Variants in PTPRK observed in about 807,000 individuals in gnomAD.
The protein encoded by PTPRK is protein tyrosine phosphatase receptor type K, also known as receptor-type tyrosine-protein phosphatase kappa.
In PTPRK, 75 loss-of-function variants were observed where a neutral mutation model predicts 178.0. The observed-to-expected ratio is 0.42, with a 90% CI of 0.35 to 0.51. PTPRK has a LOEUF of 0.51. Among genes scored for constraint, PTPRK ranks in the 20% least tolerant of loss-of-function variants. The pLI is 0.02. For synonymous variants in PTPRK, 637 were observed against 620.6 expected (o/e 1.03, Z -0.39); for missense variants, 1,441 against 1,797.8 (o/e 0.80, Z 3.59).
intron 3 of PTPRK, among the ~76,000 whole-genome samples, chr6:128,301,178 T>G (rs978890434): frequency 6.6e-6 from 1 of 152,186 alleles, no homozygotes; most frequent in Non-Finnish European, 1.5e-5. Flanking sequence ...GATATCACTA[T>G]TTCTATTTTT....
At chr6:128,221,742 TACCA>T (rs1365410278) in intron 5 of PTPRK, among the ~76,000 whole-genome samples, 19 of 152,062 alleles carry the variant, frequency 1.2e-4, no homozygotes, top group Non-Finnish European at 2.9e-5. Flanking sequence ...TTTCTCTGCT[TACCA>T]ACCTATTTCA....
intron 1 of PTPRK, among the ~76,000 whole-genome samples, chr6:128,459,073 G>A (rs1421779930): frequency 1.3e-5 from 2 of 152,112 alleles, no homozygotes; most frequent in African/African-American, 4.8e-5. Context: ...GGAATCTATT[G>A]CAAAGGAAGA....
At chr6:128,140,719 T>C (rs762689511) in intron 7 of PTPRK, among the ~76,000 whole-genome samples, 11 of 151,958 alleles carry the variant, frequency 7.2e-5, no homozygotes, top group Non-Finnish European at 1.3e-4. Context: ...ATAAAGAAGG[T>C]AGATATAAGC....
At chr6:128,190,092 C>T (rs1259167555) in intron 6 of PTPRK, among the ~76,000 whole-genome samples, 1 of 152,130 alleles carries the variant, frequency 6.6e-6, no homozygotes, top group African/African-American at 2.4e-5. Flanking sequence ...TTTATTTGGA[C>T]ATTTAATATC....
chr6:128,290,217 C>T (rs1006050433), intron 3 of PTPRK, among the ~76,000 whole-genome samples: 51 of 152,096 alleles, frequency 3.4e-4, no homozygotes, highest in African/African-American at 1.2e-3. Flanking sequence ...GGTAGATTTG[C>T]ATTCTGGGAT....
At chr6:128,135,078 T>A (rs1353523050) in intron 7 of PTPRK, among the ~76,000 whole-genome samples, 2 of 136,276 alleles carry the variant, frequency 1.5e-5, no homozygotes, top group African/African-American at 5.7e-5. Context: ...AATCATTCAA[T>A]CACACACACA....
At chr6:128,327,819 CAAGA>C in intron 2 of PTPRK, among the ~76,000 whole-genome samples, 1 of 152,174 alleles carries the variant, frequency 6.6e-6, no homozygotes, top group South Asian at 2.1e-4. Flanking sequence ...TCAAAGTACC[CAAGA>C]AAGAAACCAA....
intron 2 of PTPRK, among the ~76,000 whole-genome samples, chr6:128,338,299 G>A (rs767571385): frequency 6.6e-6 from 1 of 152,024 alleles, no homozygotes; most frequent in Non-Finnish European, 1.5e-5. Context: ...AGCCAATCAA[G>A]ACCTATATAG....
At chr6:128,374,844 C>T (rs1057288477) in intron 2 of PTPRK, among the ~76,000 whole-genome samples, 4 of 151,944 alleles carry the variant, frequency 2.6e-5, no homozygotes, top group Non-Finnish European at 4.4e-5. Context: ...CCTATTACTA[C>T]TCTGACTTTA....
At chr6:128,355,192 T>A (rs758634738) in intron 2 of PTPRK, among the ~76,000 whole-genome samples, 5 of 152,180 alleles carry the variant, frequency 3.3e-5, no homozygotes, top group Non-Finnish European at 5.9e-5. Flanking sequence ...AAGATGAAAG[T>A]TTTCTTACAC....
chr6:128,384,219 T>C (rs538785959), intron 2 of PTPRK, among the ~76,000 whole-genome samples: 1 of 152,190 alleles, frequency 6.6e-6, no homozygotes, highest in African/African-American at 2.4e-5. Flanking sequence ...GGACTTCTCA[T>C]AGATATGTTC....
At chr6:128,469,159 T>C (rs1035206973) in intron 1 of PTPRK, among the ~76,000 whole-genome samples, 1 of 152,122 alleles carries the variant, frequency 6.6e-6, no homozygotes, top group Non-Finnish European at 1.5e-5. Context: ...ATGACTACTA[T>C]AAGGAAGTGC....
At chr6:128,126,031 A>AGCTAATTT (rs1444755333) in intron 7 of PTPRK, among the ~76,000 whole-genome samples, 2 of 152,076 alleles carry the variant, frequency 1.3e-5, no homozygotes, top group African/African-American at 4.8e-5. Context: ...ATAAAGTGAT[A>AGCTAATTT]GCTAATTTCT....
intron 2 of PTPRK, among the ~76,000 whole-genome samples, chr6:128,396,026 G>C (rs1037283862): frequency 2.0e-5 from 3 of 151,770 alleles, no homozygotes; most frequent in African/African-American, 7.3e-5. Flanking sequence ...TTGTGTGCTT[G>C]TGATAAATTG....
At chr6:128,348,017 A>C (rs1018589560) in intron 2 of PTPRK, among the ~76,000 whole-genome samples, 2 of 152,070 alleles carry the variant, frequency 1.3e-5, no homozygotes, top group African/African-American at 4.8e-5. Flanking sequence ...GGATATGACA[A>C]AAAAAGTTAA....
At chr6:127,974,098 T>C (rs1359868174) in intron 27 of PTPRK, among the ~76,000 whole-genome samples, 1 of 152,204 alleles carries the variant, frequency 6.6e-6, no homozygotes. Context: ...TTCAGATTCA[T>C]TGCCTTCTCT....
chr6:128,130,025 T>C (rs1041264194), intron 7 of PTPRK, among the ~76,000 whole-genome samples: 2 of 152,172 alleles, frequency 1.3e-5, no homozygotes, highest in African/African-American at 4.8e-5. Flanking sequence ...CTGCTTGTAT[T>C]GCTTGGCAAA....
chr6:128,370,788 C>T (rs1836166505), intron 2 of PTPRK, among the ~76,000 whole-genome samples: 1 of 152,098 alleles, frequency 6.6e-6, no homozygotes, highest in Non-Finnish European at 1.5e-5. Context: ...TTAAAAGATT[C>T]CCTTCATGAT....
intron 7 of PTPRK, among the ~76,000 whole-genome samples, chr6:128,129,929 A>G (rs191410636): frequency 2.0e-5 from 3 of 152,272 alleles, no homozygotes; most frequent in Admixed American, 2.0e-4. Context: ...GCATTTCTCT[A>G]TATCTTTTAT....
Sources: gnomAD v4.1 joint callset for allele counts (sites outside exome capture counted in the v4.1 genomes callset) on GRCh38, gnomAD v4.1.1 for gene constraint, MANE v1.5 for transcripts, NCBI Gene and HGNC (gene_info 2026-07-23, HGNC 2026-07-21) for gene names.